The following GRAMD1B variants were observed in gnomAD, a reference collection of about 807,000 sequenced individuals.
The protein encoded by GRAMD1B is protein Aster-B.
In GRAMD1B, 37 loss-of-function variants were observed where a neutral mutation model predicts 99.7. The observed-to-expected ratio is 0.37, with a 90% CI of 0.29 to 0.49. The LOEUF is 0.49. Ranked by LOEUF, GRAMD1B falls within the 20% of genes least tolerant of loss-of-function variation. The probability of loss-of-function intolerance (pLI) is 0.98; values close to 1 mark genes in which losing one functional copy is unlikely to be tolerated. For missense variants in GRAMD1B, 888 were observed against 1,009.2 expected (o/e 0.88, Z 1.63); for synonymous variants, 427 against 387.6 (o/e 1.10, Z -1.19).
rs1205823589 is a variant in GRAMD1B, at chr11:123,622,637, A to G, written c.*42A>G. ...TGGCTGCAAGAGGCCTGTGCAATAC[A>G]TGTACATAGACCATATAAATATATA... On this transcript the variant is annotated 3_prime_UTR_variant, in exon 20 of 20. Coordinates refer to ENST00000635736, the MANE Select transcript of GRAMD1B (RefSeq NM_001387025.1). 2 of 746,934 alleles carry G rather than the reference A, an allele frequency of 2.7e-6. No homozygotes were observed. The highest frequency in any genetic ancestry group is 2.0e-5 in the Admixed American group (1 of 49,376). The allele number at this position is 746,934 out of a possible 1,614,324, so 46.3% of individuals were successfully genotyped here.
rs1366474131 is a variant in GRAMD1B at position 123,625,951 on chromosome 11, A to AGAGAGAGAGC, written c.*3365_*3366insCGAGAGAGAG. 47 of 138,418 alleles carry AGAGAGAGAGC rather than the reference A, an allele frequency of 3.4e-4. No individual in the cohort carries two copies. The highest frequency in any genetic ancestry group is 1.2e-3 in the African/African-American group (46 of 38,720). 8.6% of individuals were successfully genotyped at this position (138,418 alleles called of 1,614,324 possible). On this transcript the variant is annotated 3_prime_UTR_variant, in exon 20 of 20. Transcript: ENST00000635736. ...GGCCCAGTGGAAGAGAGAGAGAGAGAGAGAGAGAGAGAGAGAGAGAGAGAG... is the reference window on the plus strand; with the variant it reads ...GGCCCAGTGGAAGAGAGAGAGAGAGAGAGAGAGAGCGAGAGAGAGAGAGAGAGAGAGAGAG...
intron 1 of GRAMD1B, among the ~76,000 whole-genome samples, chr11:123,453,362 G>A (rs1187548814): frequency 1.3e-5 from 2 of 151,800 alleles, no homozygotes; most frequent in South Asian, 2.1e-4. Context: ...TGTCATCTAG[G>A]CTGGAGTGCA....
intron 2 of GRAMD1B, among the ~76,000 whole-genome samples, chr11:123,545,925 C>T (rs1428318234): frequency 1.3e-5 from 2 of 152,208 alleles, no homozygotes; most frequent in African/African-American, 4.8e-5. Flanking sequence ...ACTTGTTCTG[C>T]AAAGGCAGCC....
chr11:123,414,956 C>T (rs908882501), intron 1 of GRAMD1B, among the ~76,000 whole-genome samples: 10 of 152,206 alleles, frequency 6.6e-5, no homozygotes, highest in African/African-American at 2.2e-4. Context: ...ACACACATGC[C>T]CTTTGAAAGG....
At chr11:123,399,544 C>A (rs1396086982) in intron 1 of GRAMD1B, among the ~76,000 whole-genome samples, 1 of 152,114 alleles carries the variant, frequency 6.6e-6, no homozygotes, top group African/African-American at 2.4e-5. Context: ...AATTTACATT[C>A]TCGCCAACAG....
chr11:123,495,987 A>T (rs1939208766), intron 2 of GRAMD1B, among the ~76,000 whole-genome samples: 1 of 152,212 alleles, frequency 6.6e-6, no homozygotes, highest in Admixed American at 6.5e-5. Flanking sequence ...AGATAAGAGT[A>T]CATTATACAA....
intron 1 of GRAMD1B, among the ~76,000 whole-genome samples, chr11:123,450,002 C>T (rs1949814342): frequency 6.6e-5 from 10 of 152,220 alleles, no homozygotes; most frequent in African/African-American, 2.4e-4. Flanking sequence ...GGATTACAGG[C>T]ATGAGTCACC....
At chr11:123,563,506 C>CTTTTTTTTTTTTTTTCT (rs796897213) in intron 2 of GRAMD1B, among the ~76,000 whole-genome samples, 1 of 140,972 alleles carries the variant, frequency 7.1e-6, no homozygotes, top group African/African-American at 2.6e-5. Flanking sequence ...AGGGTTTTTT[C>CTTTTTTTTTTTTTTTCT]TTTTTTTTTT....
At chr11:123,434,098 T>A (rs1339668830) in intron 1 of GRAMD1B, among the ~76,000 whole-genome samples, 1 of 151,434 alleles carries the variant, frequency 6.6e-6, no homozygotes, top group Non-Finnish European at 1.5e-5. Flanking sequence ...GGTGTGGTGG[T>A]GGACACCTGT....
chr11:123,480,884 G>A lies in GRAMD1B; in HGVS notation c.443G>A (p.Arg148Gln), dbSNP rs1478938487. The change falls in exon 2 of 20, where the codon CGG becomes CAG. Residue 148 changes from arginine to glutamine, a missense_variant. Coordinates refer to ENST00000635736, the MANE Select transcript of GRAMD1B (RefSeq NM_001387025.1). ...DSSRFLSPRA[R>Q]EESTASNSNR... is the part of the protein sequence containing the mutation. ...AGCAGGTTCCTGAGTCCTCGAGCGCGGGAAGAAAGGTAAGGTCCAACTCCG... is the reference window on the plus strand; with the variant it reads ...AGCAGGTTCCTGAGTCCTCGAGCGCAGGAAGAAAGGTAAGGTCCAACTCCG... The A allele has an allele frequency of 5.0e-6, 2 of 398,236 alleles. No individual in the cohort carries two copies. Among genetic ancestry groups the A allele is most frequent in the Admixed American group, 4.4e-5 (1 of 22,596 alleles). The allele number at this position is 398,236 out of a possible 1,614,324, so 24.7% of individuals were successfully genotyped here.
rs1940942063 is a variant in GRAMD1B, at chr11:123,510,954, G to A, written c.452+30061G>A. On this transcript the variant is annotated intron_variant, in intron 2 of 19. Coordinates refer to ENST00000635736, the MANE Select transcript of GRAMD1B (RefSeq NM_001387025.1). The surrounding 1 kb of genome is among the most constrained non-coding windows in gnomAD (Gnocchi z 4.3). ...GGGTGGATGAGGGGTGCAGGGTGGG[G>A]GGTGGAGGTATCTGTAGCTTTCATC... 6.6e-6 allele frequency among the ~76,000 whole-genome samples: 1 copy of A among 152,252 alleles called. No individual in the cohort carries two copies. The highest frequency in any genetic ancestry group is 2.1e-4 in the South Asian group (1 of 4,818).
chr11:123,478,187 T>A (rs1317625233), intron 1 of GRAMD1B, among the ~76,000 whole-genome samples: 3 of 152,106 alleles, frequency 2.0e-5, no homozygotes, highest in Non-Finnish European at 4.4e-5. Flanking sequence ...GGCTAATTTT[T>A]TTTTTATAGA....
intron 1 of GRAMD1B, chr11:123,460,322 T>C (rs1950350701): frequency 6.6e-6 from 1 of 152,122 alleles, no homozygotes; most frequent in Admixed American, 6.6e-5. Flanking sequence ...ATGAATATAG[T>C]AGAAAATATA....
intron 2 of GRAMD1B, among the ~76,000 whole-genome samples, chr11:123,504,269 C>T (rs150534063): frequency 6.6e-6 from 1 of 152,306 alleles, no homozygotes; most frequent in African/African-American, 2.4e-5. Context: ...AAGCAAGACG[C>T]CATGGGAGGC....
At chr11:123,592,458 C>T (rs1215508447) in intron 4 of GRAMD1B, among the ~76,000 whole-genome samples, 1 of 152,158 alleles carries the variant, frequency 6.6e-6, no homozygotes, top group Non-Finnish European at 1.5e-5. Context: ...GATGCAGTGC[C>T]ACATGCACAT....
chr11:123,359,305 A>G (rs930736226), intron 1 of GRAMD1B, among the ~76,000 whole-genome samples: 11 of 92,552 alleles, frequency 1.2e-4, no homozygotes, highest in African/African-American at 5.8e-4. Context: ...TAGAAGTCCG[A>G]GATTTGGCAA....
In GRAMD1B at chr11:123,594,924, A is replaced by G. The variant is rs529044930; in HGVS notation, c.873+86A>G. ...TCGCTTTCTTCCTTTTGCTGACTTCATGCTCTTCCCAAGCCTTTGCGTAAT... is the reference window on the plus strand; with the variant it reads ...TCGCTTTCTTCCTTTTGCTGACTTCGTGCTCTTCCCAAGCCTTTGCGTAAT... On this transcript the variant is annotated intron_variant, in intron 6 of 19. Coordinates refer to ENST00000635736, the MANE Select transcript of GRAMD1B (RefSeq NM_001387025.1). 179 of 767,138 alleles carry G rather than the reference A, an allele frequency of 2.3e-4. 1 individual carries two copies. In the African/African-American group the frequency reaches 2.5e-3, roughly 11 times the overall value. 47.5% of individuals were successfully genotyped at this position (767,138 alleles called of 1,614,324 possible). A position where few individuals can be genotyped will look rare whatever the true frequency, so the allele number is the denominator to read the frequency against.
chr11:123,391,205 G>C (rs1305929942), intron 1 of GRAMD1B, among the ~76,000 whole-genome samples: 1 of 152,018 alleles, frequency 6.6e-6, no homozygotes, highest in Non-Finnish European at 1.5e-5. Context: ...CAGATTCTTA[G>C]TACTATTTTA....
rs897392675 is a variant in GRAMD1B at position 123,610,956 on chromosome 11, C to T, written c.1919+618C>T. 6.6e-6 allele frequency among the ~76,000 whole-genome samples: 1 copy of T among 152,192 alleles called. No homozygotes were observed. Among genetic ancestry groups the T allele is most frequent in the Admixed American group, 6.5e-5 (1 of 15,282 alleles). On this transcript the variant is annotated intron_variant, in intron 14 of 19. Transcript: ENST00000635736. This position sits in a 1 kb window ranked among gnomAD's most constrained non-coding sequence, Gnocchi z 4.1. ...TTCCAAAGGAAGGAAGACATTTAGA[C>T]CCTGACATTTTAAGAAACTTGTAGT...
Sources: gnomAD v4.1 joint callset for allele counts (sites outside exome capture counted in the v4.1 genomes callset) on GRCh38, gnomAD v4.1.1 for gene constraint, Gnocchi (gnomAD v3.1) non-coding constraint, MANE v1.5 for transcripts, NCBI Gene and HGNC (gene_info 2026-07-23, HGNC 2026-07-21) for gene names.